SDK1: variants seen among roughly 807,000 people sequenced by gnomAD.
SDK1 encodes the protein sidekick cell adhesion molecule 1.
Under a neutral mutation model 245.5 loss-of-function variants are expected in SDK1, and 157 were observed. The ratio of observed to expected loss-of-function variants is 0.64; its 90% confidence interval spans 0.56 to 0.73. The LOEUF (loss-of-function observed/expected upper bound fraction) is 0.73, where lower values mean the gene tolerates loss of function less well. Ranked by LOEUF, SDK1 falls within the 30% of genes least tolerant of loss-of-function variation. SDK1 has a pLI of 0.00. For missense variants in SDK1, 3,583 were observed against 3,002.3 expected (o/e 1.19, Z -4.52); for synonymous variants, 1,647 against 1,278.5 (o/e 1.29, Z -6.15).
At chr7:3,965,153 C>G (rs1367249262) in intron 9 of SDK1, among the ~76,000 whole-genome samples, 4 of 152,194 alleles carry the variant, frequency 2.6e-5, no homozygotes, top group Non-Finnish European at 4.4e-5. Flanking sequence ...CAGTTCTCAG[C>G]ACATGCGAGT....
chr7:4,229,252 C>A (rs548315385), intron 40 of SDK1, among the ~76,000 whole-genome samples: 2 of 152,012 alleles, frequency 1.3e-5, no homozygotes, highest in Non-Finnish European at 2.9e-5. Context: ...CACTCGTGAT[C>A]GTGGTGTAAA....
chr7:3,651,012 C>T (rs12533563), intron 4 of SDK1, among the ~76,000 whole-genome samples: 37,261 of 151,668 alleles, frequency 0.25, 5,036 homozygotes, highest in Non-Finnish European at 0.31. Context: ...AATAAAGTTG[C>T]TATAAACATT....
At chr7:3,884,023 T>C (rs756631577) in intron 5 of SDK1, among the ~76,000 whole-genome samples, 5 of 152,090 alleles carry the variant, frequency 3.3e-5, no homozygotes, top group Non-Finnish European at 5.9e-5. Flanking sequence ...CTTTACACAA[T>C]GTCATTCTAA....
At chr7:4,032,090 A>G (rs1427666098) in intron 17 of SDK1, among the ~76,000 whole-genome samples, 2 of 152,132 alleles carry the variant, frequency 1.3e-5, no homozygotes, top group Admixed American at 6.5e-5. Flanking sequence ...CCTAGGCCAC[A>G]GAAAACCCAA....
In SDK1 at chr7:3,312,935, C is replaced by T. The variant is rs140310420; in HGVS notation, c.298+11051C>T. Reference sequence around the variant, plus strand: ...AAATAAAAATAAATTCATACCTAGACATATTGTAGATGAAGCCTTAGAAAA... The same window carrying T: ...AAATAAAAATAAATTCATACCTAGATATATTGTAGATGAAGCCTTAGAAAA... On this transcript the variant is annotated intron_variant, in intron 1 of 44. Transcript: ENST00000404826. Among the ~76,000 whole-genome samples the T allele has an allele frequency of 1.2e-3, 185 of 152,262 alleles. 2 individuals carry two copies. Among genetic ancestry groups the T allele is most frequent in the African/African-American group, 4.3e-3 (177 of 41,562 alleles).
intron 1 of SDK1, among the ~76,000 whole-genome samples, chr7:3,310,460 G>GA (rs1779524012): frequency 6.6e-6 from 1 of 152,172 alleles, no homozygotes; most frequent in Non-Finnish European, 1.5e-5. Context: ...AGATGCACTA[G>GA]AGAGGGATTT....
chr7:3,476,016 T>C (rs900074782), intron 1 of SDK1: 3 of 152,706 alleles, frequency 2.0e-5, no homozygotes, highest in African/African-American at 7.2e-5. Context: ...TTAAAACTTT[T>C]CCTATTCATC....
chr7:3,349,907 G>C (rs921285342), intron 1 of SDK1, among the ~76,000 whole-genome samples: 3 of 152,144 alleles, frequency 2.0e-5, no homozygotes, highest in Non-Finnish European at 2.9e-5. Flanking sequence ...CGGCCTAAGA[G>C]TACATGTATC....
At chr7:4,241,667 A>G in intron 42 of SDK1, 126 bp from the exon 43 acceptor site, 1 of 1,126,598 alleles carries the variant, frequency 8.9e-7, no homozygotes, top group South Asian at 1.5e-5. Flanking sequence ...TGAAGCAGGT[A>G]TCCTCAGCTC....
At chr7:3,441,137 G>A (rs1402962279) in intron 1 of SDK1, among the ~76,000 whole-genome samples, 1 of 152,042 alleles carries the variant, frequency 6.6e-6, no homozygotes, top group Non-Finnish European at 1.5e-5. Context: ...AATATTTTGA[G>A]ACAGCCCATG....
chr7:3,326,021 A>G (rs951786878), intron 1 of SDK1, among the ~76,000 whole-genome samples: 3 of 152,172 alleles, frequency 2.0e-5, no homozygotes, highest in Admixed American at 6.5e-5. Flanking sequence ...AGCTGTACCT[A>G]TCTATCCTAA....
chr7:3,479,243 A>C (rs1781436434), intron 1 of SDK1, among the ~76,000 whole-genome samples: 1 of 151,554 alleles, frequency 6.6e-6, no homozygotes, highest in Non-Finnish European at 1.5e-5. Context: ...CCAACGTGGC[A>C]AAACCCCGTC....
At chr7:4,201,643 C>T (rs955038786) in intron 35 of SDK1, among the ~76,000 whole-genome samples, 2 of 152,240 alleles carry the variant, frequency 1.3e-5, no homozygotes, top group Non-Finnish European at 2.9e-5. Flanking sequence ...CCTGGCATGG[C>T]ACAGGGAGGC....
rs1562430189 is a variant in SDK1, at chr7:3,346,826, T to TATATATA, written c.298+44944_298+44945insATATAAT. On this transcript the variant is annotated intron_variant, in intron 1 of 44. Transcript: ENST00000404826. The stretch of plus-strand genomic sequence containing the variant: ...GTGTGTGTATATATATATATATATA[T>TATATATA]ATTTTTTTTTTTTTTTTTTTTTTTT... 2.2e-4 allele frequency among the ~76,000 whole-genome samples: 16 copies of TATATATA among 72,808 alleles called. 1 individual carries two copies. The highest frequency in any genetic ancestry group is 1.7e-3 in the South Asian group (3 of 1,746). The allele number at this position is 72,808 out of a possible 152,430, so 47.8% of individuals were successfully genotyped here.
intron 1 of SDK1, among the ~76,000 whole-genome samples, chr7:3,480,600 T>C (rs1781489507): frequency 6.6e-6 from 1 of 152,266 alleles, no homozygotes; most frequent in Non-Finnish European, 1.5e-5. Context: ...ACAGCTCATG[T>C]GGACTTCTCA....
chr7:3,547,021 C>T (rs1282472348), intron 1 of SDK1, among the ~76,000 whole-genome samples: 3 of 152,062 alleles, frequency 2.0e-5, no homozygotes, highest in East Asian at 1.9e-4. Flanking sequence ...AATTTTTAAT[C>T]TTAAGATTAA....
chr7:4,185,739 C>T (rs1441905063), intron 35 of SDK1, among the ~76,000 whole-genome samples: 1 of 152,084 alleles, frequency 6.6e-6, no homozygotes, highest in East Asian at 1.9e-4. Context: ...TCCATGAGGG[C>T]AGGGACCCCT....
At chr7:3,486,840 A>ATAAATTT (rs1562516694) in intron 1 of SDK1, among the ~76,000 whole-genome samples, 9 of 152,166 alleles carry the variant, frequency 5.9e-5, no homozygotes, top group African/African-American at 1.9e-4. Flanking sequence ...AACATTCCAC[A>ATAAATTT]TGTTTGATAA....
chr7:3,731,674 T>A (rs1445206023), intron 4 of SDK1, among the ~76,000 whole-genome samples: 5 of 152,124 alleles, frequency 3.3e-5, no homozygotes, highest in Non-Finnish European at 5.9e-5. Flanking sequence ...GCCCCAGGAA[T>A]ACAAACACCA....
Sources: gnomAD v4.1 joint callset for allele counts (sites outside exome capture counted in the v4.1 genomes callset) on GRCh38, gnomAD v4.1.1 for gene constraint, MANE v1.5 for transcripts, NCBI Gene and HGNC (gene_info 2026-07-23, HGNC 2026-07-21) for gene names.